Variants in ITGA2 observed in about 807,000 individuals in gnomAD.
ITGA2 encodes the protein integrin subunit alpha 2, also known as integrin alpha-2.
A neutral mutation model predicts 146.3 loss-of-function variants in ITGA2; 101 were observed. That is an observed-to-expected ratio of 0.69 (90% confidence interval 0.59 to 0.81). ITGA2 has a LOEUF of 0.81. Ranked by LOEUF, ITGA2 falls within the 40% of genes least tolerant of loss-of-function variation. The probability of loss-of-function intolerance (pLI) is 0.00; values close to 1 mark genes in which losing one functional copy is unlikely to be tolerated. For synonymous variants in ITGA2, 477 were observed against 487.1 expected, an observed-to-expected ratio of 0.98 and a Z score of 0.27; for missense variants, 1,281 against 1,402.7, an observed-to-expected ratio of 0.91 and a Z score of 1.39.
Position 53,066,009 on chromosome 5 carries a change from TA to T in ITGA2, c.1943+37del, listed in dbSNP as rs778274547. 1.3e-4 allele frequency: 214 copies of T among 1,604,708 alleles called. 3 individuals are homozygous for T. In the South Asian group the frequency reaches 2.1e-3, roughly 16 times the overall value. ...CAGGAAGAGCCAGACACAAACTAAC[TA>T]AAAATTACCTGCTAAGAAAGCAGAA... On this transcript the variant is annotated intron_variant, in intron 15 of 29. Coordinates refer to ENST00000296585, the MANE Select transcript of ITGA2 (RefSeq NM_002203.4).
chr5:53,086,574 T>C (rs1746167575), intron 27 of ITGA2, among the ~76,000 whole-genome samples: 1 of 152,218 alleles, frequency 6.6e-6, no homozygotes, highest in African/African-American at 2.4e-5. Context: ...GTCACAAACT[T>C]ATTTTTTAAA....
intron 25 of ITGA2, 41 bp downstream of exon 25, chr5:53,080,662 A>G: frequency 7.3e-7 from 1 of 1,369,252 alleles, no homozygotes; most frequent in Non-Finnish European, 1.0e-6. Flanking sequence ...TACTTTCAAG[A>G]TGTAAATAAC....
intron 1 of ITGA2, among the ~76,000 whole-genome samples, chr5:53,010,744 G>C (rs978892916): frequency 4.6e-5 from 7 of 152,158 alleles, no homozygotes; most frequent in African/African-American, 1.7e-4. Context: ...GGGGGGCCAG[G>C]TGACAGAGTA....
chr5:53,033,953 C>T (rs1413577720), intron 2 of ITGA2, among the ~76,000 whole-genome samples: 1 of 151,918 alleles, frequency 6.6e-6, no homozygotes, highest in Non-Finnish European at 1.5e-5. Context: ...TTAGTAGACA[C>T]GAGGTTTCAC....
Position 53,065,099 on chromosome 5 carries a change from G to A in ITGA2, c.1790G>A (p.Arg597His), listed in dbSNP as rs770216834. ...YIYNGHQGTI[R>H]TKYSQKILGS... ...TACAATGGTCATCAGGGCACTATCC[G>A]CACAAAGTATTCCCAGGTAATCCAT... Residue 597 changes from arginine to histidine, a missense_variant, in exon 14 of 30, where the codon CGC (arginine) becomes CAC (histidine). Around this residue, in one of 3 missense-constraint regions of ITGA2, gnomAD observed 795 missense variants for 841.7 expected, o/e 0.94. Coordinates refer to ENST00000296585, the MANE Select transcript of ITGA2 (RefSeq NM_002203.4). 61 of 1,612,250 alleles carry A rather than the reference G, an allele frequency of 3.8e-5. No homozygotes were observed. Among genetic ancestry groups the A allele is most frequent in the East Asian group, 2.7e-4 (12 of 44,790 alleles).
rs1254797181 is a variant in ITGA2 at position 53,093,140 on chromosome 5, T to A, written c.*2541T>A. 2 of 152,142 alleles carry A rather than the reference T, an allele frequency of 1.3e-5. No individual in the cohort carries two copies. The highest frequency in any genetic ancestry group is 4.8e-5 in the African/African-American group (2 of 41,428). 9.4% of individuals were successfully genotyped at this position (152,142 alleles called of 1,614,324 possible). Reference sequence around the variant, plus strand: ...ACAAAAAAAAAGTTAGTACTGTATATGTAAATACTAGCTTTTCAATGTGCT... The same window carrying A: ...ACAAAAAAAAAGTTAGTACTGTATAAGTAAATACTAGCTTTTCAATGTGCT... On this transcript the variant is annotated 3_prime_UTR_variant, in exon 30 of 30. Coordinates refer to ENST00000296585, the MANE Select transcript of ITGA2 (RefSeq NM_002203.4).
intron 2 of ITGA2, among the ~76,000 whole-genome samples, chr5:53,040,741 G>T (rs1411128997): frequency 6.6e-6 from 1 of 152,116 alleles, no homozygotes; most frequent in African/African-American, 2.4e-5. Flanking sequence ...AACGAGGAGA[G>T]AACTTATTAA....
intron 1 of ITGA2, among the ~76,000 whole-genome samples, chr5:53,015,607 C>T (rs1742366590): frequency 6.6e-6 from 1 of 151,940 alleles, no homozygotes; most frequent in South Asian, 2.1e-4. Context: ...CTATTAGGTC[C>T]ATTTGATCAA....
intron 1 of ITGA2, among the ~76,000 whole-genome samples, chr5:53,014,452 CT>C (rs1742305202): frequency 6.6e-6 from 1 of 152,128 alleles, no homozygotes; most frequent in African/African-American, 2.4e-5. Flanking sequence ...ATAAAACCTA[CT>C]TGATCATGGT....
intron 1 of ITGA2, among the ~76,000 whole-genome samples, chr5:52,992,423 A>G (rs983773930): frequency 1.3e-5 from 2 of 152,178 alleles, no homozygotes; most frequent in Non-Finnish European, 2.9e-5. Context: ...CTCCAGCTAG[A>G]CAGTCTGTAA....
intron 1 of ITGA2, among the ~76,000 whole-genome samples, chr5:52,995,048 TC>T (rs1224421227): frequency 6.6e-6 from 1 of 152,210 alleles, no homozygotes; most frequent in Non-Finnish European, 1.5e-5. Flanking sequence ...GCAATAGGAC[TC>T]GTCTCCTAGT....
In ITGA2 at chr5:53,094,353, A is replaced by T. The variant is rs1350871574; in HGVS notation, c.*3754A>T. The T allele has an allele frequency of 6.6e-6, 1 of 151,020 alleles. No homozygotes were observed. The highest frequency in any genetic ancestry group is 1.5e-5 in the Non-Finnish European group (1 of 67,464). 9.4% of individuals were successfully genotyped at this position (151,020 alleles called of 1,614,324 possible). On this transcript the variant is annotated 3_prime_UTR_variant, in exon 30 of 30. Transcript: ENST00000296585. ...TCTAAAGACTGAAACTGTAGCCATT[A>T]TGTAAATAAAGTTTCATATGTACCT...
At chr5:53,046,209 A>G (rs35994420) in intron 4 of ITGA2, among the ~76,000 whole-genome samples, 6 of 140,122 alleles carry the variant, frequency 4.3e-5, no homozygotes, top group Non-Finnish European at 6.3e-5. Flanking sequence ...AAAAAAAAAA[A>G]AAAAAAGAAA....
At position 53,046,212 on chromosome 5, in the gene ITGA2, A is replaced by G. The variant is rs867743828; in HGVS notation, c.387+1120A>G. On this transcript the variant is annotated intron_variant, in intron 4 of 29. Coordinates refer to ENST00000296585, the MANE Select transcript of ITGA2 (RefSeq NM_002203.4). ...TCTGTCTCAAAAAAAAAAAAAAAAAAAAAGAAAAAAAAGTCTTAGACAGCA... is the reference window on the plus strand; with the variant it reads ...TCTGTCTCAAAAAAAAAAAAAAAAAGAAAGAAAAAAAAGTCTTAGACAGCA... 2.9e-3 allele frequency among the ~76,000 whole-genome samples: 442 copies of G among 151,182 alleles called. 3 individuals carry two copies. The highest frequency in any genetic ancestry group is 0.01 in the African/African-American group (428 of 41,254).
intron 4 of ITGA2, 144 bp from the exon 5 acceptor site, chr5:53,048,219 G>A (rs1744185331): frequency 4.2e-6 from 3 of 721,296 alleles, no homozygotes; most frequent in Non-Finnish European, 7.4e-6. Flanking sequence ...TTTCCCCGAA[G>A]GCATTACTGA....
At chr5:53,058,363 C>T (rs1259703761) in intron 10 of ITGA2, among the ~76,000 whole-genome samples, 1 of 151,880 alleles carries the variant, frequency 6.6e-6, no homozygotes, top group Admixed American at 6.6e-5. Flanking sequence ...CCCCAGGGCA[C>T]AGACTGTATA....
At chr5:52,994,717 T>G (rs1741146963) in intron 1 of ITGA2, among the ~76,000 whole-genome samples, 1 of 152,232 alleles carries the variant, frequency 6.6e-6, no homozygotes, top group Non-Finnish European at 1.5e-5. Flanking sequence ...TATGTCTTGG[T>G]GTCTTTAAAA....
intron 7 of ITGA2, among the ~76,000 whole-genome samples, chr5:53,052,656 T>C (rs2910971): frequency 0.48 from 72,262 of 151,664 alleles, 17,268 homozygotes; most frequent in Middle Eastern, 0.52. Flanking sequence ...GGTCCCACCT[T>C]AAACCTCATC....
At chr5:53,016,370 T>C (rs373184329) in intron 1 of ITGA2, among the ~76,000 whole-genome samples, 4 of 152,228 alleles carry the variant, frequency 2.6e-5, no homozygotes, top group African/African-American at 9.7e-5. Flanking sequence ...AATGAAATTC[T>C]TGGTTGGAAT....
Sources: gnomAD v4.1 joint callset for allele counts (sites outside exome capture counted in the v4.1 genomes callset) on GRCh38, gnomAD v4.1.1 for gene constraint, gnomAD v4.1.1 regional missense constraint, MANE v1.5 for transcripts, NCBI Gene and HGNC (gene_info 2026-07-23, HGNC 2026-07-21) for gene names.